The following SMARCA5 variants were observed in gnomAD, a reference collection of about 807,000 sequenced individuals.
The protein encoded by SMARCA5 is SWI/SNF-related matrix-associated actin-dependent regulator of chromatin subfamily A member 5.
Under a neutral mutation model 140.4 loss-of-function variants are expected in SMARCA5, and 18 were observed. The observed-to-expected ratio is 0.13, with a 90% CI of 0.09 to 0.19. SMARCA5 has a LOEUF of 0.19. Ranked by LOEUF, SMARCA5 falls within the 10% of genes least tolerant of loss-of-function variation. SMARCA5 has a pLI of 1.00. For missense variants in SMARCA5, 606 were observed against 1,276.8 expected, an observed-to-expected ratio of 0.47 and a Z score of 8.01; for synonymous variants, 449 against 419.6, an observed-to-expected ratio of 1.07 and a Z score of -0.86.
At chr4:143,522,450 T>C (rs1736981550) in intron 3 of SMARCA5, among the ~76,000 whole-genome samples, 1 of 152,174 alleles carries the variant, frequency 6.6e-6, no homozygotes, top group Non-Finnish European at 1.5e-5. Flanking sequence ...TACAAAAGAT[T>C]GTTTAAAAGA....
chr4:143,544,862 A>G lies in SMARCA5; in HGVS notation c.2283+15A>G, dbSNP rs1737490926. 1 of 1,349,306 alleles carries G rather than the reference A, an allele frequency of 7.4e-7. No individual in the cohort carries two copies. The highest frequency in any genetic ancestry group is 1.0e-6 in the Non-Finnish European group (1 of 953,886). The allele number at this position is 1,349,306 out of a possible 1,614,324, so 83.6% of individuals were successfully genotyped here. A position where few individuals can be genotyped will look rare whatever the true frequency, so the allele number is the denominator to read the frequency against. On this transcript the variant is annotated intron_variant, in intron 17 of 23. Transcript: ENST00000283131. The stretch of plus-strand genomic sequence containing the variant: ...AAGCACCCAAGGTGAGTTGACTGAC[A>G]CAGCATAAAAATATCTAAAAATTTT...
At chr4:143,550,405 G>A (rs1468459584) in intron 23 of SMARCA5, among the ~76,000 whole-genome samples, 1 of 151,828 alleles carries the variant, frequency 6.6e-6, no homozygotes, top group Non-Finnish European at 1.5e-5. Flanking sequence ...GGACATCAGG[G>A]TAAATGGGGT....
In SMARCA5 at chr4:143,549,977, C is replaced by T. The variant is rs201252538; in HGVS notation, c.2986-20C>T. 1.1e-4 allele frequency: 152 copies of T among 1,355,514 alleles called. 1 individual carries two copies. In the South Asian group the frequency reaches 1.8e-3, roughly 16 times the overall value. The allele number at this position is 1,355,514 out of a possible 1,614,324, so 84.0% of individuals were successfully genotyped here. A position where few individuals can be genotyped will look rare whatever the true frequency, so the allele number is the denominator to read the frequency against. On this transcript the variant is annotated intron_variant, in intron 22 of 23. Transcript: ENST00000283131. ...ACTTGTGGATGGAAAGTGCGTGTAC[C>T]ATGTTTGTTTATAATTTAGGAGCTC...
chr4:143,529,037 T>A (rs1005352418), intron 8 of SMARCA5, among the ~76,000 whole-genome samples: 2 of 152,090 alleles, frequency 1.3e-5, no homozygotes, highest in Non-Finnish European at 2.9e-5. Flanking sequence ...GGAATTCAGG[T>A]GATTCTTGTG....
intron 7 of SMARCA5, 71 bp from the exon 8 acceptor site, chr4:143,528,512 C>A: frequency 3.6e-6 from 5 of 1,375,512 alleles, no homozygotes; most frequent in Non-Finnish European, 5.0e-6. Flanking sequence ...GTGTTGGTTC[C>A]AGGTCTTTGC....
At chr4:143,544,903 T>A (rs1250214168) in intron 17 of SMARCA5, 56 bp downstream of exon 17, 4 of 870,782 alleles carry the variant, frequency 4.6e-6, no homozygotes, top group Non-Finnish European at 7.4e-6. Context: ...TGTAATTTTT[T>A]TCATATATTC....
In SMARCA5 at chr4:143,543,868, G is replaced by C. The variant is rs771507370; in HGVS notation, c.2068G>C (p.Glu690Gln). ...TGTTCTCTAGACTGCAGAGATGAATGAAAAGCTCTCCAAGATGGGCGAAAG... is the reference window on the plus strand; with the variant it reads ...TGTTCTCTAGACTGCAGAGATGAATCAAAAGCTCTCCAAGATGGGCGAAAG... The part of the protein sequence containing the change: ...RGAKKTAEMN[E>Q]KLSKMGESSL... Residue 690 changes from glutamate to glutamine, a missense_variant, in exon 16 of 24, where the codon GAA (glutamate) becomes CAA (glutamine). Glu to Gln is a conservative substitution (Grantham distance 29). Transcript: ENST00000283131. 6.2e-7 allele frequency: 1 copy of C among 1,609,186 alleles called. No homozygotes were observed. Among genetic ancestry groups the C allele is most frequent in the East Asian group, 2.2e-5 (1 of 44,740 alleles).
At chr4:143,531,408 A>G (rs1348938864) in intron 9 of SMARCA5, among the ~76,000 whole-genome samples, 1 of 152,232 alleles carries the variant, frequency 6.6e-6, no homozygotes, top group African/African-American at 2.4e-5. Context: ...AGGTTAAAGC[A>G]GGAGCTTGTA....
chr4:143,537,232 T>G (rs1431530384), intron 11 of SMARCA5, among the ~76,000 whole-genome samples: 3 of 152,202 alleles, frequency 2.0e-5, no homozygotes, highest in African/African-American at 7.2e-5. Context: ...TAAAAACGTT[T>G]TTAGTCTGCT....
chr4:143,518,540 C>T (rs1376018233), intron 2 of SMARCA5, among the ~76,000 whole-genome samples: 1 of 152,098 alleles, frequency 6.6e-6, no homozygotes, highest in African/African-American at 2.4e-5. Flanking sequence ...TTTTTTAAAA[C>T]ATACTTTTTT....
At chr4:143,533,581 C>T (rs1391063885) in intron 9 of SMARCA5, among the ~76,000 whole-genome samples, 1 of 146,418 alleles carries the variant, frequency 6.8e-6, no homozygotes, top group Non-Finnish European at 1.5e-5. Flanking sequence ...CATCTTGGCT[C>T]ACTGCAAGCT....
chr4:143,534,860 G>A lies in SMARCA5; in HGVS notation c.1164G>A (p.Leu388=). The change falls in exon 10 of 24, where the codon TTG becomes TTA. Residue 388 remains leucine, a synonymous_variant. Coordinates refer to ENST00000283131, the MANE Select transcript of SMARCA5 (RefSeq NM_003601.4). ...TTATTTTTGTCCTTTTTAAGGTTTT[G>A]CGTCCATTCCTCCTTCGTCGAATTA... ...QKLVERLHMV[L]RPFLLRRIKA... is the part of the protein sequence containing the mutation. The A allele has an allele frequency of 1.2e-6, 2 of 1,610,440 alleles. No individual in the cohort carries two copies. Among genetic ancestry groups the A allele is most frequent in the Non-Finnish European group, 1.7e-6 (2 of 1,178,414 alleles).
chr4:143,537,372 T>C (rs1737332308), intron 11 of SMARCA5, among the ~76,000 whole-genome samples: 1 of 152,184 alleles, frequency 6.6e-6, no homozygotes, highest in African/African-American at 2.4e-5. Context: ...CAAGTTTGTG[T>C]TTCTCTCTAT....
intron 9 of SMARCA5, among the ~76,000 whole-genome samples, chr4:143,531,513 A>C (rs542876662): frequency 6.6e-6 from 1 of 152,294 alleles, no homozygotes; most frequent in South Asian, 2.1e-4. Flanking sequence ...GTAAGGAGAG[A>C]GGGGAGAACG....
intron 15 of SMARCA5, 46 bp downstream of exon 15, chr4:143,543,703 C>T: frequency 6.5e-7 from 1 of 1,541,734 alleles, no homozygotes. Flanking sequence ...ATGTTTTAGA[C>T]CAGAAACAGG....
rs1425729786 is a variant in SMARCA5 at position 143,524,442 on chromosome 4, C to T, written c.495C>T (p.Cys165=). 1.2e-6 allele frequency: 2 copies of T among 1,612,204 alleles called. No homozygotes were observed. The highest frequency in any genetic ancestry group is 2.2e-5 in the East Asian group (1 of 44,788). Residue 165 remains cysteine (C), a synonymous_variant, in exon 4 of 24, where the codon TGC becomes TGT. Transcript: ENST00000283131. The part of the protein sequence containing the change: ...LTESSKATNV[C]TRFEDSPSYV... ...AAAGCTCCAAAGCAACCAATGTTTGCACTCGATTTGAAGACTCTCCATCGT... is the reference window on the plus strand; with the variant it reads ...AAAGCTCCAAAGCAACCAATGTTTGTACTCGATTTGAAGACTCTCCATCGT...
At chr4:143,549,774 CAGT>C (rs1250231797) in intron 22 of SMARCA5, among the ~76,000 whole-genome samples, 2 of 151,956 alleles carry the variant, frequency 1.3e-5, no homozygotes, top group Non-Finnish European at 2.9e-5. Flanking sequence ...GAAGAATACA[CAGT>C]AGTTTGGCTT....
At chr4:143,544,616 T>A (rs1385576683) in intron 16 of SMARCA5, 121 bp from the exon 17 acceptor site, 28 of 613,878 alleles carry the variant, frequency 4.6e-5, no homozygotes, top group Non-Finnish European at 5.8e-6. Flanking sequence ...GTCTCCACCC[T>A]CATAGAGCTT....
Position 143,540,428 on chromosome 4 carries a change from T to G in SMARCA5, c.1836T>G (p.Thr612=), listed in dbSNP as rs773527690. The change falls in exon 14 of 24, where the codon ACT becomes ACG. Residue 612 remains threonine, a synonymous_variant. Transcript: ENST00000283131. ...TGTTCCGCTTTATAACTGATAACAC[T>G]GTAGAAGAAAGAATAGTAGAACGTG... ...VRVFRFITDN[T]VEERIVERAE... 23 of 1,613,008 alleles carry G rather than the reference T, an allele frequency of 1.4e-5. No homozygotes were observed. The highest frequency in any genetic ancestry group is 8.5e-7 in the Non-Finnish European group (1 of 1,179,230).
Sources: allele counts gnomAD v4.1 joint callset (sites outside exome capture counted in the v4.1 genomes callset), GRCh38; gene constraint gnomAD v4.1.1; transcripts MANE v1.5; gene names NCBI Gene and HGNC (gene_info 2026-07-23, HGNC 2026-07-21).